Variants in NRG1 observed in about 807,000 individuals in gnomAD.
NRG1 encodes pro-neuregulin-1, membrane-bound isoform.
In NRG1, 18 loss-of-function variants were observed where a neutral mutation model predicts 63.8. That is an observed-to-expected ratio of 0.28 (90% CI 0.19 to 0.42). The LOEUF is 0.42. Among genes scored for constraint, NRG1 ranks in the 10% least tolerant of loss-of-function variants. The probability of loss-of-function intolerance (pLI) is 1.00; values close to 1 mark genes in which losing one functional copy is unlikely to be tolerated. For synonymous variants in NRG1, 302 were observed against 301.3 expected (o/e 1.00, Z -0.02); for missense variants, 762 against 814.7 (o/e 0.94, Z 0.79).
At chr8:32,472,594 G>A (rs1823991172) in intron 1 of NRG1, among the ~76,000 whole-genome samples, 1 of 152,228 alleles carries the variant, frequency 6.6e-6, no homozygotes, top group Non-Finnish European at 1.5e-5. Context: ...AGAATGGTTG[G>A]AAGACGATTT....
At chr8:31,905,161 A>G (rs1009406154) in intron 1 of NRG1, among the ~76,000 whole-genome samples, 2 of 152,120 alleles carry the variant, frequency 1.3e-5, no homozygotes, top group African/African-American at 4.8e-5. Flanking sequence ...GAGAGAGACA[A>G]TCCAGTTTCC....
chr8:32,521,893 T>C (rs900908648), intron 1 of NRG1, among the ~76,000 whole-genome samples: 1 of 152,222 alleles, frequency 6.6e-6, no homozygotes, highest in Non-Finnish European at 1.5e-5. Context: ...TCCTGCTTTT[T>C]TTAGTTGATT....
chr8:32,169,792 AT>A (rs1392362129), intron 1 of NRG1, among the ~76,000 whole-genome samples: 2 of 152,218 alleles, frequency 1.3e-5, no homozygotes, highest in Non-Finnish European at 2.9e-5. Flanking sequence ...TTATCTTATT[AT>A]TCTGTTATGG....
intron 1 of NRG1, among the ~76,000 whole-genome samples, chr8:32,419,350 T>C (rs1563438790): frequency 1.3e-5 from 2 of 152,322 alleles, no homozygotes; most frequent in South Asian, 4.1e-4. Flanking sequence ...ATTTTTCTGG[T>C]GGAGGAGCCA....
At chr8:32,457,969 G>A (rs1821825942) in intron 1 of NRG1, among the ~76,000 whole-genome samples, 2 of 151,780 alleles carry the variant, frequency 1.3e-5, no homozygotes, top group Non-Finnish European at 2.9e-5. Context: ...CCAGGCTGGA[G>A]TGCAATGGTG....
chr8:32,601,893 T>C (rs1314481736), intron 2 of NRG1, among the ~76,000 whole-genome samples: 1 of 152,184 alleles, frequency 6.6e-6, no homozygotes, highest in Non-Finnish European at 1.5e-5. Flanking sequence ...TGTTATTCTT[T>C]CTTCTTAAAA....
chr8:32,105,862 G>A (rs1003804226), intron 1 of NRG1, among the ~76,000 whole-genome samples: 5 of 152,076 alleles, frequency 3.3e-5, no homozygotes, highest in African/African-American at 4.8e-5. Context: ...AAACCCTTGG[G>A]TGAATTCAAA....
At chr8:32,044,477 C>G (rs754509851) in intron 1 of NRG1, among the ~76,000 whole-genome samples, 73 of 151,832 alleles carry the variant, frequency 4.8e-4, no homozygotes, top group Non-Finnish European at 8.9e-4. Context: ...TTTTCTCACT[C>G]TACTCCAAAA....
At chr8:31,850,255 G>T (rs578246091) in intron 1 of NRG1, among the ~76,000 whole-genome samples, 4 of 152,166 alleles carry the variant, frequency 2.6e-5, no homozygotes, top group South Asian at 2.1e-4. Flanking sequence ...ATGAGGTGTT[G>T]TCAGAAGGCA....
intron 5 of NRG1, among the ~76,000 whole-genome samples, chr8:32,622,133 G>C (rs1344672170): frequency 6.6e-6 from 1 of 152,152 alleles, no homozygotes; most frequent in African/African-American, 2.4e-5. Flanking sequence ...GACAATCGCG[G>C]TGGCTCATGC....
At chr8:31,820,228 A>T (rs1823874100) in intron 1 of NRG1, among the ~76,000 whole-genome samples, 1 of 152,168 alleles carries the variant, frequency 6.6e-6, no homozygotes, top group African/African-American at 2.4e-5. Flanking sequence ...ATCTATCCCC[A>T]TGGGCAGCAG....
intron 1 of NRG1, among the ~76,000 whole-genome samples, chr8:32,525,850 A>G (rs1830783235): frequency 6.6e-6 from 1 of 152,094 alleles, no homozygotes; most frequent in Non-Finnish European, 1.5e-5. Context: ...AGATTTCAGC[A>G]TTTGTGACTT....
intron 5 of NRG1, among the ~76,000 whole-genome samples, chr8:32,672,802 GT>G (rs1482613624): frequency 6.6e-6 from 1 of 151,930 alleles, no homozygotes; most frequent in Non-Finnish European, 1.5e-5. Context: ...CATTGTTGTT[GT>G]TATGTTCTCT....
At chr8:32,300,775 A>G (rs1312404876) in intron 1 of NRG1, among the ~76,000 whole-genome samples, 1 of 152,214 alleles carries the variant, frequency 6.6e-6, no homozygotes. Context: ...CTGGCTATTT[A>G]GGGGGTTGAC....
chr8:32,369,435 A>G (rs1808515941), intron 1 of NRG1, among the ~76,000 whole-genome samples: 1 of 152,230 alleles, frequency 6.6e-6, no homozygotes, highest in South Asian at 2.1e-4. Context: ...CTACTCTGGA[A>G]AGTCACTGGG....
intron 5 of NRG1, among the ~76,000 whole-genome samples, chr8:32,624,447 T>G (rs2129543001): frequency 6.6e-6 from 1 of 152,086 alleles, no homozygotes; most frequent in East Asian, 1.9e-4. Flanking sequence ...AACAACACAA[T>G]CATTGACAAC....
At chr8:32,245,128 C>G (rs371361231) in intron 1 of NRG1, among the ~76,000 whole-genome samples, 1 of 152,190 alleles carries the variant, frequency 6.6e-6, no homozygotes, top group East Asian at 1.9e-4. Context: ...GTCTGGCCTG[C>G]GTGTAATCTG....
intron 1 of NRG1, among the ~76,000 whole-genome samples, chr8:32,046,873 A>G (rs1043825736): frequency 1.3e-5 from 2 of 152,060 alleles, no homozygotes; most frequent in Non-Finnish European, 2.9e-5. Flanking sequence ...AAATCTATGC[A>G]TGTGATATAA....
intron 5 of NRG1, among the ~76,000 whole-genome samples, chr8:32,697,302 A>C (rs1813613234): frequency 6.6e-6 from 1 of 152,220 alleles, no homozygotes; most frequent in East Asian, 1.9e-4. Context: ...CAGTCCTTCA[A>C]ATAGATATTT....
Sources: allele counts gnomAD v4.1 joint callset (sites outside exome capture counted in the v4.1 genomes callset), GRCh38; gene constraint gnomAD v4.1.1; transcripts MANE v1.5; gene names NCBI Gene and HGNC (gene_info 2026-07-23, HGNC 2026-07-21).